The following LIPA variants were observed in gnomAD, a reference collection of about 807,000 sequenced individuals.
LIPA encodes the protein lysosomal acid lipase/cholesteryl ester hydrolase.
In LIPA, 26 loss-of-function variants were observed where a neutral mutation model predicts 40.6. The observed-to-expected ratio is 0.64, with a 90% CI of 0.47 to 0.89. The LOEUF is 0.89. Ranked by LOEUF, LIPA falls within the 40% of genes least tolerant of loss-of-function variation. The pLI is 0.00. For missense variants in LIPA, 455 were observed against 479.6 expected (o/e 0.95, Z 0.48); for synonymous variants, 188 against 168.4 (o/e 1.12, Z -0.90).
intron 2 of LIPA, among the ~76,000 whole-genome samples, chr10:89,389,698 T>TA (rs1844232051): frequency 1.3e-5 from 2 of 152,184 alleles, no homozygotes; most frequent in South Asian, 4.1e-4. Context: ...TTATAATTTT[T>TA]AAAAAATACA....
chr10:89,370,626 T>A (rs961189376), intron 2 of LIPA, among the ~76,000 whole-genome samples: 3 of 152,154 alleles, frequency 2.0e-5, no homozygotes, highest in African/African-American at 7.2e-5. Context: ...AGATAACTCT[T>A]TGCTGTGAGG....
At position 89,215,024 on chromosome 10, in the gene LIPA, A is replaced by G. The variant is rs1340667239; in HGVS notation, c.1004T>C (p.Val335Ala). The change falls in exon 10 of 10, where the codon GTG (valine) becomes GCG (alanine). Residue 335 changes from valine to alanine, a missense_variant. Val to Ala is a moderately conservative substitution (Grantham distance 64). Coordinates refer to ENST00000336233, the MANE Select transcript of LIPA (RefSeq NM_000235.4). ...PPTYNVKDML[V>A]PTAVWSGGHD... ...ACCCCCGCTCCAGACTGCAGTCGGCACAAGCATGTCCTTCACATTGTATGT... is the reference window on the plus strand; with the variant it reads ...ACCCCCGCTCCAGACTGCAGTCGGCGCAAGCATGTCCTTCACATTGTATGT... 6.2e-7 allele frequency: 1 copy of G among 1,613,976 alleles called. No individual in the cohort carries two copies. The highest frequency in any genetic ancestry group is 8.5e-7 in the Non-Finnish European group (1 of 1,179,942).
chr10:89,354,760 G>A (rs1843980782), intron 2 of LIPA, among the ~76,000 whole-genome samples: 1 of 152,148 alleles, frequency 6.6e-6, no homozygotes, highest in South Asian at 2.1e-4. Context: ...TAGACATGGG[G>A]TTTCACCGTC....
intron 1 of LIPA, chr10:89,332,394 C>G: frequency 9.7e-7 from 1 of 1,026,410 alleles, no homozygotes; most frequent in South Asian, 2.5e-5. Context: ...CTGTCTGGAA[C>G]ATGTTCCTGG....
rs1842590485 is a variant in LIPA at position 89,214,277 on chromosome 10, T to C, written c.*551A>G. On this transcript the variant is annotated 3_prime_UTR_variant, in exon 10 of 10. Transcript: ENST00000336233. ...ATAAAATTAATTGTTAGCATCCTTA[T>C]TACTGGCACAGCTGTGATATTTCTG... 6.5e-6 allele frequency: 1 copy of C among 152,846 alleles called. No homozygotes were observed. The allele number at this position is 152,846 out of a possible 1,614,324, so 9.5% of individuals were successfully genotyped here. A position where few individuals can be genotyped will look rare whatever the true frequency, so the allele number is the denominator to read the frequency against.
At chr10:89,307,017 A>G (rs1224864692) in intron 1 of LIPA, 1 of 1,614,032 alleles carries the variant, frequency 6.2e-7, no homozygotes, top group African/African-American at 1.3e-5. Flanking sequence ...GAAGACGCAG[A>G]GTATTACTTC....
chr10:89,285,923 C>A (rs552507516), intron 1 of LIPA, among the ~76,000 whole-genome samples: 1 of 152,170 alleles, frequency 6.6e-6, no homozygotes, highest in African/African-American at 2.4e-5. Context: ...AACTTCCACC[C>A]TCCATTCCTC....
At chr10:89,310,185 G>A (rs778519064) in intron 1 of LIPA, among the ~76,000 whole-genome samples, 1 of 152,124 alleles carries the variant, frequency 6.6e-6, no homozygotes, top group Non-Finnish European at 1.5e-5. Flanking sequence ...GTTCCAAGTA[G>A]TTCTTATTTA....
intron 2 of LIPA, among the ~76,000 whole-genome samples, chr10:89,385,362 G>A (rs908604650): frequency 6.6e-6 from 1 of 152,088 alleles, no homozygotes; most frequent in Non-Finnish European, 1.5e-5. Context: ...CCATGTGTCT[G>A]CGGCAGGAGC....
intron 1 of LIPA, among the ~76,000 whole-genome samples, chr10:89,270,716 G>C (rs1415245286): frequency 6.6e-6 from 1 of 152,204 alleles, no homozygotes; most frequent in Non-Finnish European, 1.5e-5. Flanking sequence ...ACAGCTCTAA[G>C]CTAAAGGCAA....
At chr10:89,258,898 A>T (rs1398157882) in intron 1 of LIPA, among the ~76,000 whole-genome samples, 3 of 152,214 alleles carry the variant, frequency 2.0e-5, no homozygotes, top group Non-Finnish European at 4.4e-5. Flanking sequence ...CACTGATACT[A>T]ACTACAACAT....
At chr10:89,301,877 C>T (rs959995852) in intron 1 of LIPA, 4 of 403,182 alleles carry the variant, frequency 9.9e-6, no homozygotes, top group African/African-American at 4.1e-5. Flanking sequence ...AACTCAGCTC[C>T]GGAGGAAAAA....
intron 1 of LIPA, among the ~76,000 whole-genome samples, chr10:89,271,863 G>A (rs1843267443): frequency 6.6e-6 from 1 of 151,404 alleles, no homozygotes; most frequent in Non-Finnish European, 1.5e-5. Context: ...AGGGGTTTGA[G>A]ACCAGCCTGG....
chr10:89,400,321 T>C (rs941348642), intron 2 of LIPA, among the ~76,000 whole-genome samples: 1 of 152,224 alleles, frequency 6.6e-6, no homozygotes, highest in South Asian at 2.1e-4. Flanking sequence ...AAAATGTCAT[T>C]GGGATTTTTA....
Position 89,247,846 on chromosome 10 carries a change from T to TTTTATTTATTTA in LIPA, c.-1-209_-1-198dup, listed in dbSNP as rs3063809. 10,134 of 164,228 alleles carry TTTTATTTATTTA rather than the reference T, an allele frequency of 0.062. 396 individuals carry two copies. The highest frequency in any genetic ancestry group is 0.11 in the African/African-American group (4,163 of 38,958). The allele number at this position is 164,228 out of a possible 1,614,324, so 10.2% of individuals were successfully genotyped here. On this transcript the variant is annotated intron_variant, in intron 1 of 9. Transcript: ENST00000336233. ...TTTAAATTTTATTTATTTATTTTTA[T>TTTTATTTATTTA]TTTATTTATTTATTTATTTATTTAT...
intron 1 of LIPA, among the ~76,000 whole-genome samples, chr10:89,289,376 G>A (rs1472840757): frequency 6.6e-6 from 1 of 152,068 alleles, no homozygotes; most frequent in Non-Finnish European, 1.5e-5. Flanking sequence ...CTGCTCCTCA[G>A]GGAATGTTCA....
chr10:89,220,317 T>C (rs1268912899), intron 8 of LIPA, among the ~76,000 whole-genome samples: 1 of 152,104 alleles, frequency 6.6e-6, no homozygotes, highest in Non-Finnish European at 1.5e-5. Context: ...CCATCATCTC[T>C]GGGGGTGCAA....
chr10:89,274,744 G>C (rs1031564516), intron 1 of LIPA, among the ~76,000 whole-genome samples: 1 of 152,148 alleles, frequency 6.6e-6, no homozygotes, highest in Non-Finnish European at 1.5e-5. Context: ...AGAACTCCCA[G>C]CAGGTACTGG....
intron 2 of LIPA, chr10:89,383,271 G>A (rs1844176723): frequency 6.7e-7 from 1 of 1,501,414 alleles, no homozygotes; most frequent in Non-Finnish European, 9.1e-7. Context: ...ATTTTCAGTG[G>A]ACTGAATACT....
Sources: allele counts gnomAD v4.1 joint callset (sites outside exome capture counted in the v4.1 genomes callset), GRCh38; gene constraint gnomAD v4.1.1; transcripts MANE v1.5; gene names NCBI Gene and HGNC (gene_info 2026-07-23, HGNC 2026-07-21).